Variants in SEMA5A observed in about 807,000 individuals in gnomAD.
SEMA5A encodes semaphorin 5A.
A neutral mutation model predicts 135.5 loss-of-function variants in SEMA5A; 55 were observed. The observed-to-expected ratio is 0.41, with a 90% CI of 0.33 to 0.51. SEMA5A has a LOEUF of 0.51. Among genes scored for constraint, SEMA5A ranks in the 20% least tolerant of loss-of-function variants. The pLI is 0.37. For synonymous variants in SEMA5A, 580 were observed against 546.5 expected (o/e 1.06, Z -0.85); for missense variants, 1,290 against 1,419.9 (o/e 0.91, Z 1.47).
chr5:9,224,994 T>C, intron 7 of SEMA5A, 107 bp from the exon 8 acceptor site: 1 of 1,072,368 alleles, frequency 9.3e-7, no homozygotes, highest in Non-Finnish European at 1.3e-6. Flanking sequence ...CAACAGCCTC[T>C]CGGGGGCCCA....
chr5:9,425,175 T>G (rs1757603199), intron 2 of SEMA5A, among the ~76,000 whole-genome samples: 1 of 151,796 alleles, frequency 6.6e-6, no homozygotes, highest in Non-Finnish European at 1.5e-5. Flanking sequence ...CTGTTCACTC[T>G]CTGTCACATG....
chr5:9,285,478 C>A (rs1413724475), intron 5 of SEMA5A, among the ~76,000 whole-genome samples: 4 of 152,326 alleles, frequency 2.6e-5, no homozygotes, highest in East Asian at 3.9e-4. Context: ...ACTCTTTAGT[C>A]TCTCAACATA....
rs557433425 is a variant in SEMA5A at position 9,273,657 on chromosome 5, C to T, written c.271-35767G>A. Among the ~76,000 whole-genome samples the T allele has an allele frequency of 3.3e-5, 5 of 152,246 alleles. No individual in the cohort carries two copies. In the South Asian group the frequency reaches 1.0e-3, roughly 32 times the overall value. ...AGCAGATCTCGCAGCAGAAACTCTA[C>T]AAGCCAGAAGGAGTGGGGGCCAATA... is the stretch of plus-strand genomic sequence containing the variant. On this transcript the variant is annotated intron_variant, in intron 5 of 22. Coordinates refer to ENST00000382496, the MANE Select transcript of SEMA5A (RefSeq NM_003966.3).
chr5:9,076,846 CA>C (rs1369582053), intron 16 of SEMA5A, among the ~76,000 whole-genome samples: 6 of 150,882 alleles, frequency 4.0e-5, no homozygotes, highest in Admixed American at 2.0e-4. Flanking sequence ...CCAGCCAGTG[CA>C]TTGACTATGC....
rs1311920621 is a variant in SEMA5A, at chr5:9,545,813, C to G, written c.-404G>C. On this transcript the variant is annotated 5_prime_UTR_variant, in exon 1 of 23. Transcript: ENST00000382496. The surrounding 1 kb of genome is among the most constrained non-coding windows in gnomAD (Gnocchi z 4.5). ...CAACCGGTGGGTGGGCAGGTTCGCGCCCAGCAGAGACGACCCTCGAGGTGG... is the reference window on the plus strand; with the variant it reads ...CAACCGGTGGGTGGGCAGGTTCGCGGCCAGCAGAGACGACCCTCGAGGTGG... 6.6e-6 allele frequency: 1 copy of G among 152,386 alleles called. No individual in the cohort carries two copies. Among genetic ancestry groups the G allele is most frequent in the African/African-American group, 2.4e-5 (1 of 41,452 alleles). 9.4% of individuals were successfully genotyped at this position (152,386 alleles called of 1,614,324 possible).
At chr5:9,295,533 C>G (rs758261440) in intron 5 of SEMA5A, among the ~76,000 whole-genome samples, 17 of 151,836 alleles carry the variant, frequency 1.1e-4, no homozygotes, top group African/African-American at 4.1e-4. Context: ...GGGAGAAGGA[C>G]GAGTGATGGG....
intron 16 of SEMA5A, among the ~76,000 whole-genome samples, chr5:9,075,418 A>T (rs753344364): frequency 3.4e-4 from 51 of 152,238 alleles, no homozygotes; most frequent in Non-Finnish European, 1.8e-4. Context: ...GAAACTGGAG[A>T]CAACTCATAT....
intron 8 of SEMA5A, among the ~76,000 whole-genome samples, chr5:9,205,113 C>T (rs761945305): frequency 2.0e-5 from 3 of 152,040 alleles, no homozygotes; most frequent in Non-Finnish European, 4.4e-5. Flanking sequence ...AAAAAGAAAA[C>T]AATCAAAAGC....
At chr5:9,305,708 G>GTGTATATATATATATA (rs1554017498) in intron 5 of SEMA5A, among the ~76,000 whole-genome samples, 3,860 of 138,510 alleles carry the variant, frequency 0.028, 103 homozygotes, top group South Asian at 0.056. Flanking sequence ...GTGTGTGTGC[G>GTGTATATATATATATA]TATATATATA....
At chr5:9,238,718 T>C (rs1748044858) in intron 5 of SEMA5A, among the ~76,000 whole-genome samples, 1 of 151,942 alleles carries the variant, frequency 6.6e-6, no homozygotes, top group Non-Finnish European at 1.5e-5. Context: ...TTCTCTTTTC[T>C]ATCATTGTAT....
intron 3 of SEMA5A, 117 bp from the exon 4 acceptor site, chr5:9,337,929 C>G: frequency 1.5e-6 from 1 of 665,504 alleles, no homozygotes; most frequent in East Asian, 2.9e-5. Flanking sequence ...TCGGAGGTCC[C>G]TCTATGCCAT....
chr5:9,214,564 G>A (rs775843737), intron 8 of SEMA5A, among the ~76,000 whole-genome samples: 2 of 152,206 alleles, frequency 1.3e-5, no homozygotes, highest in Non-Finnish European at 2.9e-5. Flanking sequence ...AAGATGTGGT[G>A]GGAAGGTTAG....
At chr5:9,215,092 T>C (rs10062136) in intron 8 of SEMA5A, among the ~76,000 whole-genome samples, 3,309 of 152,190 alleles carry the variant, frequency 0.022, 128 homozygotes, top group African/African-American at 0.074. Flanking sequence ...AAAACAGCCC[T>C]CTGCCCTGGG....
chr5:9,308,093 C>T (rs1034525142), intron 5 of SEMA5A, among the ~76,000 whole-genome samples: 4 of 152,116 alleles, frequency 2.6e-5, no homozygotes, highest in Admixed American at 6.6e-5. Flanking sequence ...AGTGTCTGTT[C>T]GGTCAGAGTC....
At chr5:9,461,294 T>A (rs528286780) in intron 1 of SEMA5A, among the ~76,000 whole-genome samples, 8 of 152,340 alleles carry the variant, frequency 5.3e-5, no homozygotes, top group Non-Finnish European at 7.3e-5. Context: ...GAATGCTCAC[T>A]GAATCTTCCA....
intron 3 of SEMA5A, among the ~76,000 whole-genome samples, chr5:9,366,742 T>A (rs2126411676): frequency 6.6e-6 from 1 of 152,368 alleles, no homozygotes; most frequent in South Asian, 2.1e-4. Flanking sequence ...GAGGGAATTT[T>A]CCTGAAGAGA....
At position 9,339,657 on chromosome 5, in the gene SEMA5A, T is replaced by C. The variant is rs370108458; in HGVS notation, c.125-1845A>G. Among the ~76,000 whole-genome samples, 11 of 152,154 alleles carry C rather than the reference T, an allele frequency of 7.2e-5. No individual in the cohort carries two copies. In the East Asian group the frequency reaches 1.2e-3, roughly 16 times the overall value. On this transcript the variant is annotated intron_variant, in intron 3 of 22. Transcript: ENST00000382496. ...AAAAAGTAATAGCAACTTAAGAAAC[T>C]ACTAGGAAAGGAAACTGAAAGGTGT...
chr5:9,060,826 C>T (rs1737142889), intron 18 of SEMA5A, among the ~76,000 whole-genome samples: 1 of 152,160 alleles, frequency 6.6e-6, no homozygotes, highest in Non-Finnish European at 1.5e-5. Flanking sequence ...CTTCCAAGCA[C>T]CCAATCCAAT....
intron 11 of SEMA5A, among the ~76,000 whole-genome samples, chr5:9,171,729 A>T (rs1268592228): frequency 1.3e-5 from 2 of 152,112 alleles, no homozygotes; most frequent in East Asian, 3.9e-4. Context: ...CCGGGTTCCA[A>T]CACTAGATAT....
Sources: allele counts gnomAD v4.1 joint callset (sites outside exome capture counted in the v4.1 genomes callset), GRCh38; gene constraint gnomAD v4.1.1; non-coding constraint Gnocchi (gnomAD v3.1); transcripts MANE v1.5; gene names NCBI Gene and HGNC (gene_info 2026-07-23, HGNC 2026-07-21).